The following AGBL4 variants were observed in gnomAD, a reference collection of about 807,000 sequenced individuals.
AGBL4 encodes the protein cytosolic carboxypeptidase 6.
In AGBL4, 58 loss-of-function variants were observed where a neutral mutation model predicts 66.4. The ratio of observed to expected loss-of-function variants is 0.87; its 90% CI spans 0.71 to 1.09. AGBL4 has a LOEUF of 1.09. AGBL4 is among the 50% of genes least tolerant of loss of function. The pLI, the probability that AGBL4 is intolerant of heterozygous loss-of-function variation, is 0.00. For missense variants in AGBL4, 579 were observed against 631.0 expected (o/e 0.92, Z 0.88); for synonymous variants, 234 against 222.9 (o/e 1.05, Z -0.44).
chr1:48,977,263 T>G (rs1659412508), intron 5 of AGBL4, among the ~76,000 whole-genome samples: 1 of 152,176 alleles, frequency 6.6e-6, no homozygotes, highest in African/African-American at 2.4e-5. Context: ...TGCTTCTTCC[T>G]CTGTAAAATA....
chr1:49,947,503 T>C (rs1571931110), intron 1 of AGBL4, among the ~76,000 whole-genome samples: 3 of 151,848 alleles, frequency 2.0e-5, no homozygotes, highest in African/African-American at 7.3e-5. Flanking sequence ...CCCTTTATGA[T>C]TAAAACTCGC....
intron 5 of AGBL4, among the ~76,000 whole-genome samples, chr1:48,967,765 G>C (rs1658563390): frequency 6.6e-6 from 1 of 152,134 alleles, no homozygotes; most frequent in South Asian, 2.1e-4. Flanking sequence ...CATAAGCATA[G>C]AACAGAAAGC....
chr1:49,559,430 C>G (rs1189548444), intron 3 of AGBL4, among the ~76,000 whole-genome samples: 1 of 152,106 alleles, frequency 6.6e-6, no homozygotes. Context: ...TAAGTGTCAA[C>G]TTGATTGAAG....
chr1:49,677,973 T>C (rs1646613781), intron 3 of AGBL4, among the ~76,000 whole-genome samples: 3 of 152,172 alleles, frequency 2.0e-5, no homozygotes, highest in Admixed American at 2.0e-4. Context: ...ACCCAGTCTA[T>C]GATATTTTGT....
intron 3 of AGBL4, among the ~76,000 whole-genome samples, chr1:49,417,307 A>T (rs936864122): frequency 6.6e-6 from 1 of 152,158 alleles, no homozygotes; most frequent in Non-Finnish European, 1.5e-5. Context: ...ATCAGAAAAG[A>T]GAAGGAGAAA....
At chr1:49,272,393 T>G (rs1043393180) in intron 3 of AGBL4, among the ~76,000 whole-genome samples, 17 of 152,168 alleles carry the variant, frequency 1.1e-4, no homozygotes, top group African/African-American at 3.9e-4. Context: ...GTGGTCCAAT[T>G]AAAAAACAAA....
chr1:48,563,019 T>C (rs952602650), intron 11 of AGBL4, among the ~76,000 whole-genome samples: 4 of 152,184 alleles, frequency 2.6e-5, no homozygotes, highest in Non-Finnish European at 5.9e-5. Flanking sequence ...ACTAGGATAC[T>C]CCACAGCCAG....
At chr1:49,485,110 T>C (rs1021497827) in intron 3 of AGBL4, among the ~76,000 whole-genome samples, 2 of 151,920 alleles carry the variant, frequency 1.3e-5, no homozygotes, top group Non-Finnish European at 2.9e-5. Flanking sequence ...TTACTGGGTA[T>C]ATACCCAAAG....
intron 5 of AGBL4, among the ~76,000 whole-genome samples, chr1:48,970,130 A>T (rs1371544993): frequency 6.6e-6 from 1 of 152,114 alleles, no homozygotes; most frequent in Non-Finnish European, 1.5e-5. Context: ...CATTGTGGTG[A>T]ACTGTCTCTA....
rs938939823 is a variant in AGBL4, at chr1:49,636,955, G to A, written c.282+60358C>T. 4.6e-5 allele frequency among the ~76,000 whole-genome samples: 7 copies of A among 152,280 alleles called. No individual in the cohort carries two copies. In the South Asian group the frequency reaches 8.3e-4, roughly 18 times the overall value. The stretch of plus-strand genomic sequence containing the variant: ...TGGGCTGGGAAAGGCAGACCCACCC[G>A]TAATCTGGGTGGGCACCATTTAACC... On this transcript the variant is annotated intron_variant, in intron 3 of 13. Transcript: ENST00000371839.
rs55889870 is a variant in AGBL4, at chr1:48,897,806, C to CTT, written c.595-30578_595-30577dup. On this transcript the variant is annotated intron_variant, in intron 5 of 13. Coordinates refer to ENST00000371839, the MANE Select transcript of AGBL4 (RefSeq NM_032785.4). Reference sequence around the variant, plus strand: ...AATGTCTGTTCGGATCTTTTGCCCACTTTTTTTTTTTTTTTTTTTTTTAAG... The same window carrying CTT: ...AATGTCTGTTCGGATCTTTTGCCCACTTTTTTTTTTTTTTTTTTTTTTTTAAG... Among the ~76,000 whole-genome samples the CTT allele has an allele frequency of 1.2e-3, 159 of 127,762 alleles. 1 individual carries two copies. Among genetic ancestry groups the CTT allele is most frequent in the South Asian group, 6.6e-3 (25 of 3,808 alleles). The allele number at this position is 127,762 out of a possible 152,430, so 83.8% of individuals were successfully genotyped here.
chr1:48,861,226 A>G (rs1647436406), intron 6 of AGBL4, among the ~76,000 whole-genome samples: 1 of 152,202 alleles, frequency 6.6e-6, no homozygotes, highest in Non-Finnish European at 1.5e-5. Context: ...GACAAAAATA[A>G]TAAAAGTTAT....
intron 3 of AGBL4, among the ~76,000 whole-genome samples, chr1:49,619,817 C>T (rs1406920314): frequency 6.6e-6 from 1 of 152,210 alleles, no homozygotes; most frequent in African/African-American, 2.4e-5. Flanking sequence ...AATAACACCA[C>T]ACATCTACAA....
chr1:49,153,632 T>C (rs1646379567), intron 4 of AGBL4, among the ~76,000 whole-genome samples: 1 of 151,440 alleles, frequency 6.6e-6, no homozygotes. Flanking sequence ...TAGGCAGTTC[T>C]AGAAAAGTAC....
chr1:48,887,461 T>A (rs1650479186), intron 5 of AGBL4, among the ~76,000 whole-genome samples: 1 of 151,934 alleles, frequency 6.6e-6, no homozygotes, highest in South Asian at 2.1e-4. Flanking sequence ...AGGGAACTAA[T>A]GTTTGGAGGC....
At chr1:49,925,043 A>G (rs996561831) in intron 1 of AGBL4, among the ~76,000 whole-genome samples, 2 of 152,222 alleles carry the variant, frequency 1.3e-5, no homozygotes, top group Non-Finnish European at 2.9e-5. Flanking sequence ...GTGCCCAGTG[A>G]AACACCAGCG....
chr1:49,649,297 C>A (rs1183925695), intron 3 of AGBL4, among the ~76,000 whole-genome samples: 1 of 151,930 alleles, frequency 6.6e-6, no homozygotes, highest in Non-Finnish European at 1.5e-5. Flanking sequence ...AATTTAATGC[C>A]AATTTCTAAA....
chr1:49,945,115 G>A (rs528315714), intron 1 of AGBL4, among the ~76,000 whole-genome samples: 1 of 152,188 alleles, frequency 6.6e-6, no homozygotes, highest in Non-Finnish European at 1.5e-5. Context: ...AGAAAGAAGA[G>A]AATCGAAAAG....
At chr1:48,547,921 A>G (rs1644190865) in intron 11 of AGBL4, among the ~76,000 whole-genome samples, 1 of 152,152 alleles carries the variant, frequency 6.6e-6, no homozygotes, top group Non-Finnish European at 1.5e-5. Context: ...GGGTAAATGT[A>G]GTCTCTTGAG....
Sources: allele counts gnomAD v4.1 joint callset (sites outside exome capture counted in the v4.1 genomes callset), GRCh38; gene constraint gnomAD v4.1.1; transcripts MANE v1.5; gene names NCBI Gene and HGNC (gene_info 2026-07-23, HGNC 2026-07-21).